PLA2G4A: variants seen among roughly 807,000 people sequenced by gnomAD.
PLA2G4A encodes cytosolic phospholipase A2.
PLA2G4A carries 40 observed loss-of-function variants against 81.9 expected under a neutral mutation model. The ratio of observed to expected loss-of-function variants is 0.49; its 90% CI spans 0.38 to 0.64. The LOEUF (loss-of-function observed/expected upper bound fraction) is 0.64, where lower values mean the gene tolerates loss of function less well. Among genes scored for constraint, PLA2G4A ranks in the 30% least tolerant of loss-of-function variants. The probability of loss-of-function intolerance (pLI) is 0.00; values close to 1 mark genes in which losing one functional copy is unlikely to be tolerated. For synonymous variants in PLA2G4A, 302 were observed against 296.9 expected (o/e 1.02, Z -0.18); for missense variants, 715 against 905.1 (o/e 0.79, Z 2.69).
chr1:186,932,819 C>T lies in PLA2G4A; in HGVS notation c.615C>T (p.Phe205=). 6.2e-7 allele frequency: 1 copy of T among 1,613,224 alleles called. No homozygotes were observed. ...SGGGFRAMVG[F]SGVMKALYES... ...GGGGTTTCCGAGCCATGGTGGGATT[C>T]TCTGGTGTGATGAAGGCATTATACG... The change falls in exon 8 of 18, where the codon TTC becomes TTT. Residue 205 remains phenylalanine (F), a synonymous_variant. Transcript: ENST00000367466.
chr1:186,854,215 A>G, intron 1 of PLA2G4A, 71 bp from the exon 2 acceptor site: 1 of 644,054 alleles, frequency 1.6e-6, no homozygotes, highest in East Asian at 2.6e-5. Context: ...TAAGACGCAT[A>G]CTCATAATTG....
At chr1:186,830,608 C>CAAAAAAAAAAAAAAAAAA (rs55745208) in intron 1 of PLA2G4A, among the ~76,000 whole-genome samples, 13 of 72,690 alleles carry the variant, frequency 1.8e-4, no homozygotes, top group African/African-American at 5.9e-4. Flanking sequence ...AGCTCTGTCT[C>CAAAAAAAAAAAAAAAAAA]AAAAAAAAAA....
At chr1:186,848,945 G>A (rs1571331238) in intron 1 of PLA2G4A, among the ~76,000 whole-genome samples, 1 of 152,104 alleles carries the variant, frequency 6.6e-6, no homozygotes, top group Non-Finnish European at 1.5e-5. Flanking sequence ...GAAATGAGAA[G>A]AGGAAATAAA....
chr1:186,903,033 A>T (rs1188954225), intron 5 of PLA2G4A, among the ~76,000 whole-genome samples: 1 of 152,184 alleles, frequency 6.6e-6, no homozygotes, highest in Non-Finnish European at 1.5e-5. Context: ...TCCTTGTCAG[A>T]TCCACATCCT....
At chr1:186,889,974 C>T (rs1299553155) in intron 3 of PLA2G4A, among the ~76,000 whole-genome samples, 1 of 152,136 alleles carries the variant, frequency 6.6e-6, no homozygotes, top group Non-Finnish European at 1.5e-5. Flanking sequence ...TACTTATTAG[C>T]TATGTGATAT....
chr1:186,982,214 G>A (rs12122892), intron 17 of PLA2G4A, among the ~76,000 whole-genome samples: 1 of 152,170 alleles, frequency 6.6e-6, no homozygotes, highest in Non-Finnish European at 1.5e-5. Context: ...AAGTCCTTTA[G>A]TTCTGAGAAT....
intron 15 of PLA2G4A, among the ~76,000 whole-genome samples, chr1:186,975,325 T>G (rs1303962775): frequency 6.6e-6 from 1 of 152,226 alleles, no homozygotes; most frequent in Admixed American, 6.5e-5. Flanking sequence ...GCAAATGCTT[T>G]CATATACATT....
chr1:186,956,085 C>A lies in PLA2G4A; in HGVS notation c.1337-17C>A. 6.2e-7 allele frequency: 1 copy of A among 1,610,866 alleles called. No homozygotes were observed. Among genetic ancestry groups the A allele is most frequent in the South Asian group, 1.1e-5 (1 of 90,984 alleles). On this transcript the variant is annotated splice_polypyrimidine_tract_variant and intron_variant, in intron 13 of 17. Coordinates refer to ENST00000367466, the MANE Select transcript of PLA2G4A (RefSeq NM_024420.3). ...TGTATTTTGGAGTCTGTATGGTGAC[C>A]TTTTATTTTTCCCTAGGCACTGAAA...
chr1:186,834,821 C>G (rs1651721613), intron 1 of PLA2G4A, among the ~76,000 whole-genome samples: 1 of 152,120 alleles, frequency 6.6e-6, no homozygotes, highest in African/African-American at 2.4e-5. Flanking sequence ...CTAAGTATAA[C>G]CTACAGAACC....
At chr1:186,880,552 G>A (rs1653692935) in intron 3 of PLA2G4A, among the ~76,000 whole-genome samples, 1 of 151,642 alleles carries the variant, frequency 6.6e-6, no homozygotes, top group African/African-American at 2.4e-5. Flanking sequence ...TAGAAGTCAG[G>A]GACAACACCA....
At position 186,988,939 on chromosome 1, in the gene PLA2G4A, A is replaced by G. The variant is rs1376556361; in HGVS notation, c.*431A>G. 6.4e-6 allele frequency: 1 copy of G among 156,768 alleles called. No homozygotes were observed. Among genetic ancestry groups the G allele is most frequent in the African/African-American group, 2.4e-5 (1 of 41,448 alleles). 9.7% of individuals were successfully genotyped at this position (156,768 alleles called of 1,614,324 possible). A position where few individuals can be genotyped will look rare whatever the true frequency, so the allele number is the denominator to read the frequency against. On this transcript the variant is annotated 3_prime_UTR_variant, in exon 18 of 18. Transcript: ENST00000367466. Reference sequence around the variant, plus strand: ...CAACACTATTTTTATTTATATATGCATATATATACATACATGAAATAAATA... The same window carrying G: ...CAACACTATTTTTATTTATATATGCGTATATATACATACATGAAATAAATA...
intron 1 of PLA2G4A, among the ~76,000 whole-genome samples, chr1:186,842,768 G>A (rs1402765366): frequency 2.0e-5 from 3 of 152,144 alleles, no homozygotes; most frequent in African/African-American, 7.2e-5. Context: ...TTTGATCTTG[G>A]ACTTCCAACC....
At chr1:186,883,076 T>G (rs1306185105) in intron 3 of PLA2G4A, among the ~76,000 whole-genome samples, 1 of 152,062 alleles carries the variant, frequency 6.6e-6, no homozygotes, top group African/African-American at 2.4e-5. Context: ...AATATTGAGT[T>G]TGAGGTATCT....
At position 186,906,525 on chromosome 1, in the gene PLA2G4A, T is replaced by C. The variant is rs114137186; in HGVS notation, c.379-440T>C. On this transcript the variant is annotated intron_variant, in intron 5 of 17. Coordinates refer to ENST00000367466, the MANE Select transcript of PLA2G4A (RefSeq NM_024420.3). The stretch of plus-strand genomic sequence containing the variant: ...CTACAGCCTGCACTTGTCTCAATTA[T>C]ACATGTGTGAACTTTCACCCAGGTT... 3.2e-3 allele frequency among the ~76,000 whole-genome samples: 486 copies of C among 152,352 alleles called. 1 individual carries two copies. Among genetic ancestry groups the C allele is most frequent in the African/African-American group, 0.011 (467 of 41,582 alleles).
intron 3 of PLA2G4A, among the ~76,000 whole-genome samples, 153 bp from the exon 4 acceptor site, chr1:186,892,858 G>A (rs370721026): frequency 6.6e-6 from 1 of 152,146 alleles, no homozygotes; most frequent in Non-Finnish European, 1.5e-5. Flanking sequence ...ACCCTATGAT[G>A]TTTTTCTATT....
intron 1 of PLA2G4A, among the ~76,000 whole-genome samples, chr1:186,850,241 T>C (rs180944128): frequency 1.3e-3 from 204 of 152,256 alleles, no homozygotes; most frequent in Non-Finnish European, 2.6e-3. Flanking sequence ...TGTATTGTAT[T>C]GTGATATGCA....
At chr1:186,907,116 C>T in intron 6 of PLA2G4A, 114 bp downstream of exon 6, 1 of 654,186 alleles carries the variant, frequency 1.5e-6, no homozygotes, top group Non-Finnish European at 2.8e-6. Context: ...TATAGAAGTG[C>T]ATTATGTTTA....
Position 186,988,630 on chromosome 1 carries a change from A to C in PLA2G4A, c.*122A>C. On this transcript the variant is annotated 3_prime_UTR_variant, in exon 18 of 18. Transcript: ENST00000367466. ...TCATGAGAGACTGGCTGATACTCAA[A>C]GTTGCAGTTACTTAGCTGCATGAGA... The C allele has an allele frequency of 1.2e-6, 1 of 853,432 alleles. No homozygotes were observed. Among genetic ancestry groups the C allele is most frequent in the South Asian group, 1.3e-5 (1 of 74,438 alleles). 52.9% of individuals were successfully genotyped at this position (853,432 alleles called of 1,614,324 possible).
intron 14 of PLA2G4A, among the ~76,000 whole-genome samples, chr1:186,964,067 C>T (rs773390464): frequency 1.4e-4 from 21 of 152,212 alleles, no homozygotes; most frequent in Non-Finnish European, 1.8e-4. Flanking sequence ...TAGGTTCCTA[C>T]TGTGTGCTGA....
Sources: gnomAD v4.1 joint callset for allele counts (sites outside exome capture counted in the v4.1 genomes callset) on GRCh38, gnomAD v4.1.1 for gene constraint, MANE v1.5 for transcripts, NCBI Gene and HGNC (gene_info 2026-07-23, HGNC 2026-07-21) for gene names.